The following RAD52 variants were observed in gnomAD, a reference collection of about 807,000 sequenced individuals.
RAD52 encodes the protein DNA repair protein RAD52 homolog.
Under a neutral mutation model 55.5 loss-of-function variants are expected in RAD52, and 47 were observed. The ratio of observed to expected loss-of-function variants is 0.85; its 90% CI spans 0.67 to 1.08. The LOEUF (loss-of-function observed/expected upper bound fraction) is 1.08, where lower values mean the gene tolerates loss of function less well. RAD52 is among the 50% of genes least tolerant of loss of function. The probability of loss-of-function intolerance (pLI) is 0.00; values close to 1 mark genes in which losing one functional copy is unlikely to be tolerated. For synonymous variants in RAD52, 184 were observed against 198.9 expected, an observed-to-expected ratio of 0.92 and a Z score of 0.63; for missense variants, 468 against 522.8, an observed-to-expected ratio of 0.90 and a Z score of 1.02.
chr12:986,261 G>A (rs946421081), intron 1 of RAD52, among the ~76,000 whole-genome samples: 6 of 151,970 alleles, frequency 3.9e-5, no homozygotes, highest in African/African-American at 4.8e-5. Flanking sequence ...ACAGGGTCTC[G>A]TTATGTTGCC....
At chr12:980,580 C>T (rs1959000732) in intron 1 of RAD52, among the ~76,000 whole-genome samples, 1 of 149,246 alleles carries the variant, frequency 6.7e-6, no homozygotes, top group South Asian at 2.1e-4. Context: ...AGGCATGAGC[C>T]ACTGCACCCA....
intron 1 of RAD52, among the ~76,000 whole-genome samples, chr12:989,348 T>G (rs1162592948): frequency 6.6e-6 from 1 of 152,206 alleles, no homozygotes; most frequent in Non-Finnish European, 1.5e-5. Context: ...ACTTTTTGCA[T>G]GTCAAATAAA....
At chr12:973,782 C>T (rs34554212) in intron 1 of RAD52, among the ~76,000 whole-genome samples, 11,718 of 113,188 alleles carry the variant, frequency 0.1, 740 homozygotes, top group African/African-American at 0.22. Context: ...CCCAGTCCTT[C>T]TTTTTTTTTT....
At chr12:927,055 T>A in intron 6 of RAD52, 90 bp downstream of exon 6, 1 of 1,520,240 alleles carries the variant, frequency 6.6e-7, no homozygotes, top group Non-Finnish European at 9.1e-7. Context: ...TTGAACCATG[T>A]GGATGTGTTA....
At chr12:923,573 TAA>T (rs368376156) in intron 7 of RAD52, among the ~76,000 whole-genome samples, 42 of 135,406 alleles carry the variant, frequency 3.1e-4, no homozygotes, top group Non-Finnish European at 3.2e-4. Flanking sequence ...TAAAATAAAT[TAA>T]AAAAAAAAAA....
At chr12:957,366 G>C (rs1265635026) in intron 1 of RAD52, among the ~76,000 whole-genome samples, 1 of 151,236 alleles carries the variant, frequency 6.6e-6, no homozygotes, top group Non-Finnish European at 1.5e-5. Flanking sequence ...GGGAGGCTGA[G>C]GCAGGAGAAT....
At chr12:929,619 A>G (rs1444698778) in intron 5 of RAD52, 200 bp downstream of exon 5, 1 of 772,168 alleles carries the variant, frequency 1.3e-6, no homozygotes, top group African/African-American at 1.7e-5. Context: ...GTCAGCTTGA[A>G]CATGTGCAAG....
chr12:975,268 G>A (rs1182067162), intron 1 of RAD52: 1 of 152,012 alleles, frequency 6.6e-6, no homozygotes, highest in African/African-American at 2.4e-5. Context: ...GGGGACTACT[G>A]TAAAGAACTT....
intron 1 of RAD52, among the ~76,000 whole-genome samples, chr12:965,585 T>A (rs1208222408): frequency 6.6e-6 from 1 of 152,082 alleles, no homozygotes; most frequent in Non-Finnish European, 1.5e-5. Context: ...GATAAGAGAC[T>A]GTATTTCCCT....
At chr12:925,895 C>T (rs1207465837) in intron 6 of RAD52, among the ~76,000 whole-genome samples, 1 of 152,098 alleles carries the variant, frequency 6.6e-6, no homozygotes, top group Non-Finnish European at 1.5e-5. Context: ...AGGCAACACA[C>T]ACTTGGGGAC....
intron 1 of RAD52, among the ~76,000 whole-genome samples, chr12:988,735 G>T (rs985174875): frequency 6.6e-6 from 1 of 152,138 alleles, no homozygotes; most frequent in African/African-American, 2.4e-5. Context: ...CACTCTCCAA[G>T]GAACAAATCC....
chr12:916,105 A>G (rs974139224), intron 9 of RAD52: 69 of 1,123,112 alleles, frequency 6.1e-5, no homozygotes, highest in Non-Finnish European at 7.6e-5. Context: ...GATTTTATCA[A>G]GGCCCACTTA....
At chr12:973,652 A>C (rs1230997532) in intron 1 of RAD52, among the ~76,000 whole-genome samples, 3 of 150,612 alleles carry the variant, frequency 2.0e-5, no homozygotes, top group Admixed American at 2.0e-4. Context: ...TAAATTTTGT[A>C]TTTTTTGTAG....
intron 1 of RAD52, among the ~76,000 whole-genome samples, chr12:987,167 C>T (rs1217641604): frequency 2.0e-5 from 3 of 151,926 alleles, no homozygotes; most frequent in Admixed American, 6.6e-5. Flanking sequence ...GACGAGGTTT[C>T]ACCATGTTGG....
At chr12:949,404 T>A (rs1006244408) in intron 1 of RAD52, 198 bp downstream of exon 1, 1 of 152,156 alleles carries the variant, frequency 6.6e-6, no homozygotes, top group Non-Finnish European at 1.5e-5. Context: ...CCTACCCACC[T>A]CTCGGGAGGC....
At chr12:951,536 T>C (rs1225290880), upstream of RAD52, among the ~76,000 whole-genome samples, 1 of 152,240 alleles carries the variant, frequency 6.6e-6, no homozygotes, top group Non-Finnish European at 1.5e-5. Flanking sequence ...TCTCTCACTC[T>C]GTTGTTTTCT....
chr12:985,003 G>T (rs1053999331), intron 1 of RAD52, among the ~76,000 whole-genome samples: 1 of 151,964 alleles, frequency 6.6e-6, no homozygotes, highest in Non-Finnish European at 1.5e-5. Context: ...TACAGACAGG[G>T]TTTCACAGTA....
chr12:914,996 G>A (rs2154107886), intron 9 of RAD52, among the ~76,000 whole-genome samples: 1 of 152,268 alleles, frequency 6.6e-6, no homozygotes, highest in South Asian at 2.1e-4. Flanking sequence ...CAGCGGGTGT[G>A]GTAGCATGCA....
At chr12:977,913 A>T (rs1487374412) in intron 1 of RAD52, among the ~76,000 whole-genome samples, 2 of 151,920 alleles carry the variant, frequency 1.3e-5, no homozygotes, top group Admixed American at 1.3e-4. Context: ...TGAGCAAAGA[A>T]ATGCAAAACC....
Sources: allele counts gnomAD v4.1 joint callset (sites outside exome capture counted in the v4.1 genomes callset), GRCh38; gene constraint gnomAD v4.1.1; transcripts MANE v1.5; gene names NCBI Gene and HGNC (gene_info 2026-07-23, HGNC 2026-07-21).